RSPH6A: variants seen among roughly 807,000 people sequenced by gnomAD.
The protein encoded by RSPH6A is radial spoke head 6 homolog A.
A neutral mutation model predicts 66.1 loss-of-function variants in RSPH6A; 49 were observed. That is an observed-to-expected ratio of 0.74 (90% CI 0.59 to 0.94). The LOEUF (loss-of-function observed/expected upper bound fraction) is 0.94. Ranked by LOEUF, RSPH6A falls within the 40% of genes least tolerant of loss-of-function variation. The pLI, the probability that RSPH6A is intolerant of heterozygous loss-of-function variation, is 0.00. For missense variants in RSPH6A, 977 were observed against 948.3 expected (o/e 1.03, Z -0.40); for synonymous variants, 419 against 402.4 (o/e 1.04, Z -0.49).
intron 5 of RSPH6A, among the ~76,000 whole-genome samples, chr19:45,799,447 G>A (rs746905873): frequency 5.9e-5 from 9 of 152,176 alleles, no homozygotes; most frequent in African/African-American, 1.9e-4. Context: ...CTGCAACCTC[G>A]ATCTCCTGGG....
chr19:45,800,499 C>A lies in RSPH6A; in HGVS notation c.1863G>T (p.Val621=). 6.2e-7 allele frequency: 1 copy of A among 1,613,618 alleles called. No homozygotes were observed. The highest frequency in any genetic ancestry group is 8.5e-7 in the Non-Finnish European group (1 of 1,179,946). The change falls in exon 5 of 6, where the codon GTG becomes GTT. Residue 621 remains valine, a synonymous_variant. Coordinates refer to ENST00000221538, the MANE Select transcript of RSPH6A (RefSeq NM_030785.4). ...GCCAGAGGTTGGAGCGCACAACGGC[C>A]ACTGAGTACTGCGGGCAGAGGCTGC... ...LSCSLCPQYS[V]AVVRSNLWPG...
chr19:45,802,118 A>G lies in RSPH6A; in HGVS notation c.1798+2T>C. On this transcript the variant is annotated splice_donor_variant, in intron 4 of 5. Transcript: ENST00000221538. LOFTEE classifies it high-confidence loss of function. ...GTGTACAGGCTGAGAGGGCTTCCTT[A>G]CCTGCATCTTCTGAAAGTGGCGTTA... 6.6e-7 allele frequency: 1 copy of G among 1,519,910 alleles called. No individual in the cohort carries two copies. Among genetic ancestry groups the G allele is most frequent in the Non-Finnish European group, 8.9e-7 (1 of 1,124,488 alleles). The allele number at this position is 1,519,910 out of a possible 1,614,324, so 94.2% of individuals were successfully genotyped here.
Position 45,815,202 on chromosome 19 carries a change from AG to A in RSPH6A, c.-27del. 6.4e-7 allele frequency: 1 copy of A among 1,554,166 alleles called. No individual in the cohort carries two copies. Among genetic ancestry groups the A allele is most frequent in the African/African-American group, 1.4e-5 (1 of 73,306 alleles). ...GGTTCGCCAGGAGGCACAGATCTCTAGGAGAAAGGCTTGCAGACAAGGAGGC... is the reference window on the plus strand; with the variant it reads ...GGTTCGCCAGGAGGCACAGATCTCTAGAGAAAGGCTTGCAGACAAGGAGGC... On this transcript the variant is annotated 5_prime_UTR_variant, in exon 1 of 6. Coordinates refer to ENST00000221538, the MANE Select transcript of RSPH6A (RefSeq NM_030785.4).
Position 45,800,535 on chromosome 19 carries a change from G to A in RSPH6A, c.1827C>T (p.Thr609=), listed in dbSNP as rs1315224407. 6.2e-7 allele frequency: 1 copy of A among 1,612,748 alleles called. No individual in the cohort carries two copies. The change falls in exon 5 of 6, where the codon ACC becomes ACT. Residue 609 remains threonine, a synonymous_variant. Transcript: ENST00000221538. The part of the protein sequence containing the change: ...AEIMHLAPWT[T]RLSCSLCPQY... ...GCGGGCAGAGGCTGCAGGACAGGCG[G>A]GTGGTCCAGGGTGCCAGGTGCATGA...
chr19:45,807,700 A>C (rs967218121), intron 2 of RSPH6A, among the ~76,000 whole-genome samples: 1 of 151,782 alleles, frequency 6.6e-6, no homozygotes, highest in Admixed American at 6.6e-5. Flanking sequence ...TAGTAGAGAC[A>C]GGGTTTCACC....
intron 4 of RSPH6A, among the ~76,000 whole-genome samples, chr19:45,801,803 ACACACACACATACACACACATG>A (rs2146282891): frequency 6.6e-6 from 1 of 151,594 alleles, no homozygotes; most frequent in South Asian, 2.1e-4. Context: ...CCACACACAC[ACACACACACATACACACACATG>A]CACACACACA....
chr19:45,814,472 TGG>T, intron 1 of RSPH6A, 53 bp downstream of exon 1: 2 of 1,436,580 alleles, frequency 1.4e-6, no homozygotes, highest in South Asian at 1.6e-5. Context: ...GCACTTCGGG[TGG>T]GGCCCCTCCC....
chr19:45,797,448 T>C (rs1245532196), intron 5 of RSPH6A, among the ~76,000 whole-genome samples: 1 of 152,086 alleles, frequency 6.6e-6, no homozygotes, highest in African/African-American at 2.4e-5. Context: ...GTGGCTCATA[T>C]TTTATTTATG....
chr19:45,810,684 G>A lies in RSPH6A; in HGVS notation c.807C>T (p.Tyr269=), dbSNP rs150180834. 730 of 1,614,050 alleles carry A rather than the reference G, an allele frequency of 4.5e-4. 3 individuals are homozygous for A. Among genetic ancestry groups the A allele is most frequent in the Non-Finnish European group, 2.6e-5 (31 of 1,180,016 alleles). Reference sequence around the variant, plus strand: ...GCGCCTTCTGTTTCTCCGCCATCTTGTAGGTGGGCTGCATCTCGGGGTCGT... The same window carrying A: ...GCGCCTTCTGTTTCTCCGCCATCTTATAGGTGGGCTGCATCTCGGGGTCGT... ...LRDDPEMQPT[Y]KMAEKQKALF... is the part of the protein sequence containing the mutation. The change falls in exon 2 of 6, where the codon TAC becomes TAT. Residue 269 remains tyrosine (Y), a synonymous_variant. Transcript: ENST00000221538.
At chr19:45,813,399 A>C (rs1970653504) in intron 1 of RSPH6A, among the ~76,000 whole-genome samples, 1 of 152,102 alleles carries the variant, frequency 6.6e-6, no homozygotes, top group Non-Finnish European at 1.5e-5. Flanking sequence ...GCTGGAGTGC[A>C]GTGGCACGAT....
chr19:45,804,991 A>G lies in RSPH6A; in HGVS notation c.914T>C (p.Met305Thr), dbSNP rs1970525226. ...CTGCTCGAAGTAGAAGGCAGTCTCC[A>G]TGATGTTGGGCACTGGTGTCTCCCC... ...EVGETPVPNI[M>T]ETAFYFEQAG... The change falls in exon 3 of 6, where the codon ATG (methionine) becomes ACG (threonine). Residue 305 changes from methionine (M) to threonine (T), a missense_variant. Transcript: ENST00000221538. The surrounding 1 kb of genome is among the most constrained non-coding windows in gnomAD (Gnocchi z 5.8). The G allele has an allele frequency of 3.7e-6, 6 of 1,612,226 alleles. No individual in the cohort carries two copies. The highest frequency in any genetic ancestry group is 5.1e-6 in the Non-Finnish European group (6 of 1,179,916).
chr19:45,811,223 A>C (rs1438350918), intron 1 of RSPH6A, among the ~76,000 whole-genome samples: 1 of 151,582 alleles, frequency 6.6e-6, no homozygotes, highest in Non-Finnish European at 1.5e-5. Flanking sequence ...CGAACTCCTG[A>C]CCTCGTGATC....
chr19:45,815,161 G>A lies in RSPH6A; in HGVS notation c.16C>T (p.Pro6Ser). 1 of 1,605,512 alleles carries A rather than the reference G, an allele frequency of 6.2e-7. No homozygotes were observed. The change falls in exon 1 of 6, where the codon CCC (proline) becomes TCC (serine). Residue 6 changes from proline to serine, a missense_variant. Coordinates refer to ENST00000221538, the MANE Select transcript of RSPH6A (RefSeq NM_030785.4). MGDLP[P>S]YPERPAQQPP... ...TGCTGGGCAGGGCGCTCAGGGTAGG[G>A]CGGCAGGTCTCCCATGGTTCGCCAG...
At position 45,814,948 on chromosome 19, in the gene RSPH6A, C is replaced by A; in HGVS notation, c.229G>T (p.Ala77Ser). 2 of 1,614,044 alleles carry A rather than the reference C, an allele frequency of 1.2e-6. No homozygotes were observed. The highest frequency in any genetic ancestry group is 1.7e-6 in the Non-Finnish European group (2 of 1,180,022). The change falls in exon 1 of 6, where the codon GCT becomes TCT. Residue 77 changes from alanine to serine, a missense_variant. Physicochemically the swap from Ala to Ser is moderately conservative, Grantham distance 99. Transcript: ENST00000221538. ...ATGCCACCCAGCCGGGCTTCCTCAG[C>A]CTGGAAGACCTGGGGCATCAGCAAG... is the stretch of plus-strand genomic sequence containing the variant. ...ENLLMPQVFQAEEARLGGMEY... is the reference protein window; with the variant it reads ...ENLLMPQVFQSEEARLGGMEY...
chr19:45,795,886 C>G lies in RSPH6A; in HGVS notation c.2137G>C (p.Glu713Gln), dbSNP rs555414971. ...EEEGEEEEEGEETDD is the reference protein window; with the variant it reads ...EEEGEEEEEGQETDD ...GGTGGGCCTCAGTCATCTGTCTCCTCGCCCTCCTCCTCCTCCTCGCCCTCC... is the reference window on the plus strand; with the variant it reads ...GGTGGGCCTCAGTCATCTGTCTCCTGGCCCTCCTCCTCCTCCTCGCCCTCC... The change falls in exon 6 of 6, where the codon GAG becomes CAG. Residue 713 changes from glutamate (E) to glutamine (Q), a missense_variant. Physicochemically the swap from Glu to Gln is conservative, Grantham distance 29 (BLOSUM62 2). Coordinates refer to ENST00000221538, the MANE Select transcript of RSPH6A (RefSeq NM_030785.4). 1.5e-5 allele frequency: 24 copies of G among 1,608,614 alleles called. No homozygotes were observed. Among genetic ancestry groups the G allele is most frequent in the Non-Finnish European group, 2.0e-5 (24 of 1,177,030 alleles).
intron 5 of RSPH6A, among the ~76,000 whole-genome samples, chr19:45,798,457 TTGAG>T (rs1425266109): frequency 2.7e-5 from 4 of 150,596 alleles, no homozygotes; most frequent in Non-Finnish European, 4.4e-5. Flanking sequence ...GGAGGATTGC[TTGAG>T]GCCAGGAGGT....
At position 45,814,751 on chromosome 19, in the gene RSPH6A, T is replaced by TG. The variant is rs1480752616; in HGVS notation, c.425dup (p.Val143SerfsTer17). 6.2e-7 allele frequency: 1 copy of TG among 1,613,760 alleles called. No homozygotes were observed. The highest frequency in any genetic ancestry group is 1.7e-5 in the Admixed American group (1 of 59,980). ...GGTTGAACTGGCCCAAGGGGTTGAC[T>TG]GGGGGCTCCTGGAAGGTGGGGTCCA... is the stretch of plus-strand genomic sequence containing the variant. On this transcript the variant is annotated frameshift_variant, in exon 1 of 6. Coordinates refer to ENST00000221538, the MANE Select transcript of RSPH6A (RefSeq NM_030785.4). LOFTEE classifies it high-confidence loss of function.
chr19:45,814,292 T>G (rs151044067), intron 1 of RSPH6A, among the ~76,000 whole-genome samples: 1 of 152,252 alleles, frequency 6.6e-6, no homozygotes, highest in African/African-American at 2.4e-5. Flanking sequence ...CTCTGTAAAG[T>G]AGGATGAGCT....
Position 45,802,274 on chromosome 19 carries a change from G to T in RSPH6A, c.1654-10C>A. 7.3e-7 allele frequency: 1 copy of T among 1,367,530 alleles called. No homozygotes were observed. The allele number at this position is 1,367,530 out of a possible 1,614,324, so 84.7% of individuals were successfully genotyped here. A position where few individuals can be genotyped will look rare whatever the true frequency, so the allele number is the denominator to read the frequency against. Reference sequence around the variant, plus strand: ...CCCAAGTGCAGCGGCCCTGGGGGTGGGGGGAAGCTCAGGTGATGGCCCCAG... The same window carrying T: ...CCCAAGTGCAGCGGCCCTGGGGGTGTGGGGAAGCTCAGGTGATGGCCCCAG... On this transcript the variant is annotated splice_polypyrimidine_tract_variant and intron_variant, in intron 3 of 5. Coordinates refer to ENST00000221538, the MANE Select transcript of RSPH6A (RefSeq NM_030785.4).
Sources: allele counts gnomAD v4.1 joint callset (sites outside exome capture counted in the v4.1 genomes callset), GRCh38; gene constraint gnomAD v4.1.1; non-coding constraint Gnocchi (gnomAD v3.1); transcripts MANE v1.5; gene names NCBI Gene and HGNC (gene_info 2026-07-23, HGNC 2026-07-21).